The following SPEG variants were observed in gnomAD, a reference collection of about 807,000 sequenced individuals.
The protein encoded by SPEG is striated muscle preferentially expressed protein kinase.
In SPEG, 114 loss-of-function variants were observed where a neutral mutation model predicts 300.4. The ratio of observed to expected loss-of-function variants is 0.38; its 90% CI spans 0.33 to 0.44. The LOEUF (loss-of-function observed/expected upper bound fraction) is 0.44, where lower values mean the gene tolerates loss of function less well. Ranked by LOEUF, SPEG falls within the 20% of genes least tolerant of loss-of-function variation. SPEG has a pLI of 1.00. For missense variants in SPEG, 4,201 were observed against 4,586.2 expected (o/e 0.92, Z 2.43); for synonymous variants, 1,964 against 2,018.9 (o/e 0.97, Z 0.73).
At chr2:219,485,210 A>G (rs1575178254) in intron 30 of SPEG, 136 bp from the exon 31 acceptor site, 1 of 1,470,632 alleles carries the variant, frequency 6.8e-7, no homozygotes, top group Non-Finnish European at 9.2e-7. Context: ...GCAGGGCTGG[A>G]GGGGAGGAAA....
rs1326421315 is a variant in SPEG at position 219,448,513 on chromosome 2, C to A, written c.1355C>A (p.Ala452Asp). ...ERGAPWGTPG[A>D]SQEELRAPGS... ...GGCGCACCGTGGGGCACCCCCGGGG[C>A]CTCGCAGGAAGAACTGCGGGCGCCA... Residue 452 changes from alanine to aspartate, a missense_variant, in exon 4 of 41, where the codon GCC becomes GAC. Around this residue, in one of 4 missense-constraint regions of SPEG, gnomAD observed 1,258 missense variants for 1,293.9 expected, o/e 0.97. Transcript: ENST00000312358. 6.9e-6 allele frequency: 10 copies of A among 1,449,622 alleles called. No individual in the cohort carries two copies. In the Admixed American group the frequency reaches 8.1e-5, roughly 12 times the overall value. The allele number at this position is 1,449,622 out of a possible 1,614,324, so 89.8% of individuals were successfully genotyped here.
chr2:219,489,420 C>A lies in SPEG; in HGVS notation c.8402C>A (p.Thr2801Asn). 6.2e-7 allele frequency: 1 copy of A among 1,613,376 alleles called. No individual in the cohort carries two copies. The highest frequency in any genetic ancestry group is 1.1e-5 in the South Asian group (1 of 91,052). ...PARARPPDSP[T>N]SLAPPLAPAA... ...AGGGCCCGGCCTCCTGACTCTCCTACCTCACTGGCCCCACCCCTAGCTCCT... is the reference window on the plus strand; with the variant it reads ...AGGGCCCGGCCTCCTGACTCTCCTAACTCACTGGCCCCACCCCTAGCTCCT... The change falls in exon 36 of 41, where the codon ACC becomes AAC. Residue 2801 changes from threonine (T) to asparagine (N), a missense_variant. This residue lies in a region of SPEG where 1,578 missense variants were observed against 1,506.0 expected (regional missense o/e 1.05). Transcript: ENST00000312358.
chr2:219,436,665 C>G (rs923584174), intron 1 of SPEG, among the ~76,000 whole-genome samples: 1 of 152,124 alleles, frequency 6.6e-6, no homozygotes, highest in Non-Finnish European at 1.5e-5. Flanking sequence ...CTCCCCCCAG[C>G]CCTGCTCTGC....
At position 219,493,539 on chromosome 2, in the gene SPEG, G is replaced by C. The variant is rs997582919; in HGVS notation, c.*753G>C. 2 of 459,928 alleles carry C rather than the reference G, an allele frequency of 4.3e-6. No homozygotes were observed. Among genetic ancestry groups the C allele is most frequent in the Non-Finnish European group, 8.8e-6 (2 of 228,254 alleles). 28.5% of individuals were successfully genotyped at this position (459,928 alleles called of 1,614,324 possible). A position where few individuals can be genotyped will look rare whatever the true frequency, so the allele number is the denominator to read the frequency against. ...TTTTATGAAGTTTCCCCTTCCATCC[G>C]ATCCCTACTGCCCATGTTGTCCTGA... On this transcript the variant is annotated 3_prime_UTR_variant, in exon 41 of 41. Coordinates refer to ENST00000312358, the MANE Select transcript of SPEG (RefSeq NM_005876.5).
At chr2:219,456,692 G>A (rs957916206) in intron 6 of SPEG, among the ~76,000 whole-genome samples, 1 of 152,078 alleles carries the variant, frequency 6.6e-6, no homozygotes. Context: ...GGTGGATCAT[G>A]AGGTCAGGAG....
chr2:219,486,776 G>A (rs1395466797), intron 31 of SPEG, among the ~76,000 whole-genome samples: 2 of 152,030 alleles, frequency 1.3e-5, no homozygotes, highest in Non-Finnish European at 2.9e-5. Flanking sequence ...CTGGGCCCGG[G>A]TCACTTTCAC....
At position 219,477,119 on chromosome 2, in the gene SPEG, T is replaced by G; in HGVS notation, c.4560+137T>G. On this transcript the variant is annotated intron_variant, in intron 19 of 40. Transcript: ENST00000312358. The surrounding 1 kb of genome is among the most constrained non-coding windows in gnomAD (Gnocchi z 6.4). ...GAGGAGGAAAGGGGCTGCAGAGGAC[T>G]GACTAGCTGAGGGGTGCAGGGCTTT... 1 of 998,834 alleles carries G rather than the reference T, an allele frequency of 1.0e-6. No homozygotes were observed. Among genetic ancestry groups the G allele is most frequent in the Non-Finnish European group, 1.5e-6 (1 of 688,882 alleles). The allele number at this position is 998,834 out of a possible 1,614,324, so 61.9% of individuals were successfully genotyped here.
intron 31 of SPEG, among the ~76,000 whole-genome samples, chr2:219,487,856 T>C (rs1398321340): frequency 6.6e-6 from 1 of 152,206 alleles, no homozygotes; most frequent in Non-Finnish European, 1.5e-5. Context: ...CAGTATTTGT[T>C]TGCTTTTATT....
rs1466560308 is a variant in SPEG at position 219,451,468 on chromosome 2, C to T, written c.2258-157C>T. ...TCAGGACCCCCGAGAGAAGGGAGGG[C>T]AACCTGAGCTTCCCAAAATGAGGGC... On this transcript the variant is annotated intron_variant, in intron 5 of 40. Coordinates refer to ENST00000312358, the MANE Select transcript of SPEG (RefSeq NM_005876.5). This position sits in a 1 kb window ranked among gnomAD's most constrained non-coding sequence, Gnocchi z 6.4. Among the ~76,000 whole-genome samples the T allele has an allele frequency of 2.0e-5, 3 of 151,830 alleles. No individual in the cohort carries two copies. Among genetic ancestry groups the T allele is most frequent in the Non-Finnish European group, 2.9e-5 (2 of 67,952 alleles).
At chr2:219,476,410 G>A (rs1234328317) in intron 18 of SPEG, among the ~76,000 whole-genome samples, 2 of 152,168 alleles carry the variant, frequency 1.3e-5, no homozygotes, top group Non-Finnish European at 2.9e-5. Flanking sequence ...GAAGCCAGCG[G>A]GTGGCCCTGT....
intron 6 of SPEG, chr2:219,460,535 C>T: frequency 2.0e-6 from 2 of 985,446 alleles, no homozygotes; most frequent in Middle Eastern, 5.2e-4. Context: ...AGGCCCCACA[C>T]CTTGAGTCAA....
chr2:219,483,371 C>T lies in SPEG; in HGVS notation c.5908C>T (p.Pro1970Ser), dbSNP rs2125552918. Reference protein sequence around the residue: ...LGTPETGAATPMDWQEQGRAP... With the variant: ...LGTPETGAATSMDWQEQGRAP... ...GACCCCAGAGACTGGGGCTGCCACC[C>T]CCATGGACTGGCAGGAGCAGGGAAG... Residue 1970 changes from proline to serine, a missense_variant, in exon 30 of 41, where the codon CCC (proline) becomes TCC (serine). Transcript: ENST00000312358. 2 of 1,604,782 alleles carry T rather than the reference C, an allele frequency of 1.2e-6. No individual in the cohort carries two copies. The highest frequency in any genetic ancestry group is 1.7e-6 in the Non-Finnish European group (2 of 1,177,368).
intron 1 of SPEG, chr2:219,442,120 C>T: frequency 8.6e-7 from 1 of 1,168,416 alleles, no homozygotes; most frequent in Non-Finnish European, 1.1e-6. Context: ...CGGGAGGGGG[C>T]AGGGAGGCCT....
chr2:219,484,147 T>C lies in SPEG; in HGVS notation c.6684T>C (p.Pro2228=). Residue 2228 remains proline, a synonymous_variant, in exon 30 of 41, where the codon CCT becomes CCC. Transcript: ENST00000312358. The part of the protein sequence containing the change: ...PRPEPVRASK[P]APPPQALQTL... ...CAGAACCAGTCCGAGCCTCCAAGCCTGCACCACCCCCCCAGGCCCTGCAAA... is the reference window on the plus strand; with the variant it reads ...CAGAACCAGTCCGAGCCTCCAAGCCCGCACCACCCCCCCAGGCCCTGCAAA... 6.2e-7 allele frequency: 1 copy of C among 1,613,264 alleles called. No homozygotes were observed. The highest frequency in any genetic ancestry group is 8.5e-7 in the Non-Finnish European group (1 of 1,179,866).
intron 13 of SPEG, 108 bp from the exon 14 acceptor site, chr2:219,471,760 C>A: frequency 2.1e-6 from 3 of 1,409,464 alleles, no homozygotes; most frequent in Non-Finnish European, 2.9e-6. Flanking sequence ...CCACTCGCCT[C>A]CTCCCTGCAG....
intron 15 of SPEG, among the ~76,000 whole-genome samples, chr2:219,472,680 T>A (rs1691989674): frequency 6.6e-6 from 1 of 152,128 alleles, no homozygotes; most frequent in Non-Finnish European, 1.5e-5. Flanking sequence ...TCCAGCCCCA[T>A]CTGTGCCTGT....
Position 219,451,267 on chromosome 2 carries a change from C to G in SPEG, c.2245C>G (p.Pro749Ala). The G allele has an allele frequency of 1.2e-6, 2 of 1,609,432 alleles. No homozygotes were observed. The highest frequency in any genetic ancestry group is 1.1e-5 in the South Asian group (1 of 90,468). ...GCTCAAGTGTATCATCACTGCCAAC[C>G]CCCCGCCCCAAGGTGAGCTCCAGCA... The part of the protein sequence containing the change: ...VLLKCIITAN[P>A]PPQVSWHKDG... The change falls in exon 5 of 41, where the codon CCC (proline) becomes GCC (alanine). Residue 749 changes from proline (P) to alanine (A), a missense_variant. Transcript: ENST00000312358. This position sits in a 1 kb window ranked among gnomAD's most constrained non-coding sequence, Gnocchi z 6.4.
At position 219,439,963 on chromosome 2, in the gene SPEG, C is replaced by A. The variant is rs1954814749; in HGVS notation, c.388+4598C>A. Among the ~76,000 whole-genome samples, 1 of 152,184 alleles carries A rather than the reference C, an allele frequency of 6.6e-6. No individual in the cohort carries two copies. ...GTCCTCTGGCTGGAACGAGTGTGGA[C>A]ACACATATGTGCCCTCTCAGCACAC... On this transcript the variant is annotated intron_variant, in intron 1 of 40. Coordinates refer to ENST00000312358, the MANE Select transcript of SPEG (RefSeq NM_005876.5). This position sits in a 1 kb window ranked among gnomAD's most constrained non-coding sequence, Gnocchi z 4.5.
chr2:219,469,481 G>T lies in SPEG; in HGVS notation c.3715+102G>T, dbSNP rs566415005. 4.2e-6 allele frequency: 4 copies of T among 962,208 alleles called. No individual in the cohort carries two copies. In the East Asian group the frequency reaches 1.1e-4, roughly 25 times the overall value. 59.6% of individuals were successfully genotyped at this position (962,208 alleles called of 1,614,324 possible). A position where few individuals can be genotyped will look rare whatever the true frequency, so the allele number is the denominator to read the frequency against. ...GCTCTCCCCAGGCCTTTCCTCTGTA[G>T]CCTGACCAGGGACAGGGTGCCTGGG... On this transcript the variant is annotated intron_variant, in intron 13 of 40. Transcript: ENST00000312358.
Sources: gnomAD v4.1 joint callset for allele counts (sites outside exome capture counted in the v4.1 genomes callset) on GRCh38, gnomAD v4.1.1 for gene constraint, gnomAD v4.1.1 regional missense constraint, Gnocchi (gnomAD v3.1) non-coding constraint, MANE v1.5 for transcripts, NCBI Gene and HGNC (gene_info 2026-07-23, HGNC 2026-07-21) for gene names.